TTF2: variants seen among roughly 807,000 people sequenced by gnomAD.
The protein encoded by TTF2 is RNA polymerase II termination factor.
In TTF2, 108 loss-of-function variants were observed where a neutral mutation model predicts 142.4. That is an observed-to-expected ratio of 0.76 (90% CI 0.65 to 0.89). The LOEUF (loss-of-function observed/expected upper bound fraction) is 0.89. Ranked by LOEUF, TTF2 falls within the 40% of genes least tolerant of loss-of-function variation. The probability of loss-of-function intolerance (pLI) is 0.00; values close to 1 mark genes in which losing one functional copy is unlikely to be tolerated. For synonymous variants in TTF2, 483 were observed against 506.2 expected, an observed-to-expected ratio of 0.95 and a Z score of 0.61; for missense variants, 1,327 against 1,379.8, an observed-to-expected ratio of 0.96 and a Z score of 0.61.
Position 117,090,103 on chromosome 1 carries a change from G to T in TTF2, c.2391G>T (p.Gln797His). The change falls in exon 14 of 23, where the codon CAG becomes CAT. Residue 797 changes from glutamine to histidine, a missense_variant. Transcript: ENST00000369466. The surrounding 1 kb of genome is among the most constrained non-coding windows in gnomAD (Gnocchi z 4.8). ...ATGAGTTCAATCTGTGGAGGAGTCA[G>T]GTTGACAATGGCTCAAAGAAAGGAG... ...PFDEFNLWRSQVDNGSKKGGE... is the reference protein window; with the variant it reads ...PFDEFNLWRSHVDNGSKKGGE... The T allele has an allele frequency of 6.2e-7, 1 of 1,614,120 alleles. No individual in the cohort carries two copies. The highest frequency in any genetic ancestry group is 8.5e-7 in the Non-Finnish European group (1 of 1,179,980).
At position 117,089,735 on chromosome 1, in the gene TTF2, G is replaced by A. The variant is rs552616823; in HGVS notation, c.2343-320G>A. The stretch of plus-strand genomic sequence containing the variant: ...AAAATACTTATTTTTATTCGAGTCA[G>A]CCATAAGAGGATGTGAAATTTCTTT... On this transcript the variant is annotated intron_variant, in intron 13 of 22. Coordinates refer to ENST00000369466, the MANE Select transcript of TTF2 (RefSeq NM_003594.4). Among the ~76,000 whole-genome samples, 3 of 152,156 alleles carry A rather than the reference G, an allele frequency of 2.0e-5. No individual in the cohort carries two copies. The South Asian group carries it at 6.2e-4, about 32-fold the overall frequency.
chr1:117,088,736 TTG>T (rs1311864475), intron 12 of TTF2, 63 bp from the exon 13 acceptor site: 10 of 1,541,136 alleles, frequency 6.5e-6, no homozygotes, highest in Non-Finnish European at 8.8e-6. Context: ...CTATTTCCCC[TTG>T]TGTCCTTAAG....
chr1:117,081,299 G>A (rs900056022), intron 9 of TTF2, among the ~76,000 whole-genome samples: 37 of 152,182 alleles, frequency 2.4e-4, no homozygotes, highest in African/African-American at 3.1e-4. Context: ...GAGGATAACC[G>A]TATTCTGTAG....
chr1:117,082,045 TTTAA>T (rs1177026668), intron 10 of TTF2, 98 bp downstream of exon 10: 1 of 1,557,812 alleles, frequency 6.4e-7, no homozygotes, highest in Middle Eastern at 1.7e-4. Context: ...TTTGGTCATA[TTTAA>T]TTACTCTACT....
At chr1:117,096,473 G>A (rs1570883692) in intron 20 of TTF2, among the ~76,000 whole-genome samples, 174 bp downstream of exon 20, 2 of 152,210 alleles carry the variant, frequency 1.3e-5, no homozygotes, top group East Asian at 3.8e-4. Flanking sequence ...CGCCTCCCGG[G>A]TTCAAGCGAT....
rs1656894296 is a variant in TTF2 at position 117,075,240 on chromosome 1, T to C, written c.656T>C (p.Ile219Thr). Reference sequence around the variant, plus strand: ...ACACACAAAAGAGACTTTTCTGAAATTAAATCTCAACAGTGCCAAGGTAAT... The same window carrying C: ...ACACACAAAAGAGACTTTTCTGAAACTAAATCTCAACAGTGCCAAGGTAAT... ...GGTHKRDFSE[I>T]KSQQCQGNEL... The change falls in exon 5 of 23, where the codon ATT becomes ACT. Residue 219 changes from isoleucine to threonine, a missense_variant. Coordinates refer to ENST00000369466, the MANE Select transcript of TTF2 (RefSeq NM_003594.4). The surrounding 1 kb of genome is among the most constrained non-coding windows in gnomAD (Gnocchi z 4.5). 6.2e-7 allele frequency: 1 copy of C among 1,614,202 alleles called. No homozygotes were observed. The highest frequency in any genetic ancestry group is 1.3e-5 in the African/African-American group (1 of 75,046).
chr1:117,065,825 G>GTT lies in TTF2; in HGVS notation c.218+3352_218+3353insTT, dbSNP rs1257784851. Among the ~76,000 whole-genome samples, 86 of 152,020 alleles carry GTT rather than the reference G, an allele frequency of 5.7e-4. 1 individual carries two copies. In the East Asian group the frequency reaches 0.011, roughly 20 times the overall value. On this transcript the variant is annotated intron_variant, in intron 3 of 22. Coordinates refer to ENST00000369466, the MANE Select transcript of TTF2 (RefSeq NM_003594.4). ...TAAAACCATTTACATACTACTGGAGGACCTTTACCATACAGACATACTGTG... is the reference window on the plus strand; with the variant it reads ...TAAAACCATTTACATACTACTGGAGGTTACCTTTACCATACAGACATACTGTG...
intron 19 of TTF2, 43 bp downstream of exon 19, chr1:117,095,410 G>A: frequency 6.3e-7 from 1 of 1,592,128 alleles, no homozygotes; most frequent in Non-Finnish European, 8.6e-7. Context: ...TCATAATTAT[G>A]TGAGAAAATT....
Position 117,103,770 on chromosome 1 carries a change from T to C in TTF2, c.*2246T>C, listed in dbSNP as rs1649758229. The C allele has an allele frequency of 6.6e-6, 1 of 152,142 alleles. No homozygotes were observed. The allele number at this position is 152,142 out of a possible 1,614,324, so 9.4% of individuals were successfully genotyped here. A position where few individuals can be genotyped will look rare whatever the true frequency, so the allele number is the denominator to read the frequency against. On this transcript the variant is annotated 3_prime_UTR_variant, in exon 23 of 23. Transcript: ENST00000369466. ...GAGATCAAGACCATCTTGGCCAACA[T>C]GGTGAAACCCCGTCTCTACTAAAAA...
At position 117,099,218 on chromosome 1, in the gene TTF2, G is replaced by A. The variant is rs924402874; in HGVS notation, c.3344+311G>A. 8.6e-5 allele frequency among the ~76,000 whole-genome samples: 13 copies of A among 151,962 alleles called. No individual in the cohort carries two copies. The highest frequency in any genetic ancestry group is 2.1e-4 in the South Asian group (1 of 4,790). ...ACATAATTTCAGACATACAGAAAAC[G>A]TACAAGAATAGTACCAAAAAGTTCC... On this transcript the variant is annotated intron_variant, in intron 22 of 22. Transcript: ENST00000369466. This position sits in a 1 kb window ranked among gnomAD's most constrained non-coding sequence, Gnocchi z 4.3.
At chr1:117,071,215 G>GCCA (rs1481774588) in intron 3 of TTF2, among the ~76,000 whole-genome samples, 1 of 151,948 alleles carries the variant, frequency 6.6e-6, no homozygotes, top group African/African-American at 2.4e-5. Flanking sequence ...CACTCCTTGT[G>GCCA]CCACTGCTTT....
Position 117,099,478 on chromosome 1 carries a change from A to G in TTF2, c.3344+571A>G, listed in dbSNP as rs1284574139. ...CACTTGTCTCAGTGATGTCCTTCAC[A>G]GCAAAAAAGAATCCCAGATCCTGGT... On this transcript the variant is annotated intron_variant, in intron 22 of 22. Coordinates refer to ENST00000369466, the MANE Select transcript of TTF2 (RefSeq NM_003594.4). The surrounding 1 kb of genome is among the most constrained non-coding windows in gnomAD (Gnocchi z 4.3). Among the ~76,000 whole-genome samples the G allele has an allele frequency of 6.6e-6, 1 of 152,198 alleles. No homozygotes were observed. Among genetic ancestry groups the G allele is most frequent in the African/African-American group, 2.4e-5 (1 of 41,452 alleles).
rs529091063 is a variant in TTF2 at position 117,099,895 on chromosome 1, C to G, written c.3344+988C>G. 8.5e-5 allele frequency among the ~76,000 whole-genome samples: 13 copies of G among 152,336 alleles called. No homozygotes were observed. Among genetic ancestry groups the G allele is most frequent in the African/African-American group, 1.4e-4 (6 of 41,584 alleles). On this transcript the variant is annotated intron_variant, in intron 22 of 22. Coordinates refer to ENST00000369466, the MANE Select transcript of TTF2 (RefSeq NM_003594.4). This position sits in a 1 kb window ranked among gnomAD's most constrained non-coding sequence, Gnocchi z 4.3. ...GTGATTATGATAGTCTTCCTATGCTCTCTTCTCTGCTCATTCTGTACATTC... is the reference window on the plus strand; with the variant it reads ...GTGATTATGATAGTCTTCCTATGCTGTCTTCTCTGCTCATTCTGTACATTC...
intron 22 of TTF2, 57 bp downstream of exon 22, chr1:117,098,964 T>G: frequency 6.7e-7 from 1 of 1,491,834 alleles, no homozygotes; most frequent in South Asian, 1.2e-5. Context: ...TGTGAAAGTC[T>G]TTCTTTCTTA....
At chr1:117,078,817 A>G (rs1647228995) in intron 8 of TTF2, among the ~76,000 whole-genome samples, 2 of 152,228 alleles carry the variant, frequency 1.3e-5, no homozygotes, top group Middle Eastern at 3.2e-3. Flanking sequence ...TCAAAGGGCT[A>G]TTGAAATTTA....
chr1:117,084,610 C>A (rs990254260), intron 11 of TTF2, among the ~76,000 whole-genome samples: 6 of 152,096 alleles, frequency 3.9e-5, no homozygotes, highest in African/African-American at 1.2e-4. Context: ...ATATATGAAC[C>A]ATCTAAGATG....
rs1047792115 is a variant in TTF2, at chr1:117,107,436, T to C, written c.*5912T>C. 1.3e-5 allele frequency: 2 copies of C among 152,202 alleles called. No homozygotes were observed. Among genetic ancestry groups the C allele is most frequent in the Admixed American group, 1.3e-4 (2 of 15,278 alleles). The allele number at this position is 152,202 out of a possible 1,614,324, so 9.4% of individuals were successfully genotyped here. A position where few individuals can be genotyped will look rare whatever the true frequency, so the allele number is the denominator to read the frequency against. ...TGAAACCTCCAACTGAAATAAATGG[T>C]AAGCTTTTTGTTCTCAATTCTGAAA... On this transcript the variant is annotated 3_prime_UTR_variant, in exon 23 of 23. Transcript: ENST00000369466.
intron 3 of TTF2, among the ~76,000 whole-genome samples, chr1:117,065,336 G>A (rs902386121): frequency 1.3e-5 from 2 of 152,132 alleles, no homozygotes; most frequent in Non-Finnish European, 2.9e-5. Context: ...TGTCAGCTGG[G>A]CGCGGCAATC....
At chr1:117,071,086 A>C (rs1656535591) in intron 3 of TTF2, among the ~76,000 whole-genome samples, 2 of 152,346 alleles carry the variant, frequency 1.3e-5, no homozygotes, top group Admixed American at 6.5e-5. Context: ...ATAGATAACT[A>C]ATAAAGAAAA....
Sources: gnomAD v4.1 joint callset for allele counts (sites outside exome capture counted in the v4.1 genomes callset) on GRCh38, gnomAD v4.1.1 for gene constraint, Gnocchi (gnomAD v3.1) non-coding constraint, MANE v1.5 for transcripts, NCBI Gene and HGNC (gene_info 2026-07-23, HGNC 2026-07-21) for gene names.